The following VAV2 variants were observed in gnomAD, a reference collection of about 807,000 sequenced individuals.
VAV2 encodes vav guanine nucleotide exchange factor 2, also known as guanine nucleotide exchange factor VAV2.
A neutral mutation model predicts 132.5 loss-of-function variants in VAV2; 67 were observed. The observed-to-expected ratio is 0.51, with a 90% confidence interval of 0.42 to 0.62. The LOEUF (loss-of-function observed/expected upper bound fraction) is 0.62, where lower values mean the gene tolerates loss of function less well. Ranked by LOEUF, VAV2 falls within the 20% of genes least tolerant of loss-of-function variation. VAV2 has a pLI of 0.00. For missense variants in VAV2, 938 were observed against 1,153.6 expected (o/e 0.81, Z 2.71); for synonymous variants, 492 against 443.5 (o/e 1.11, Z -1.37).
chr9:133,770,744 C>A (rs527546150), intron 26 of VAV2, among the ~76,000 whole-genome samples: 1 of 152,314 alleles, frequency 6.6e-6, no homozygotes, highest in East Asian at 1.9e-4. Context: ...CCAGCACGGA[C>A]ACTGACTGCA....
chr9:133,819,128 C>T (rs1835684001), intron 4 of VAV2, among the ~76,000 whole-genome samples: 1 of 151,758 alleles, frequency 6.6e-6, no homozygotes, highest in East Asian at 1.9e-4. Context: ...CACCACTTCC[C>T]ATTAACCTCT....
Position 133,948,773 on chromosome 9 carries a change from G to A in VAV2, c.205-9554C>T, listed in dbSNP as rs550149878. Among the ~76,000 whole-genome samples, 231 of 152,368 alleles carry A rather than the reference G, an allele frequency of 1.5e-3. 2 individuals are homozygous for A. The highest frequency in any genetic ancestry group is 5.4e-3 in the African/African-American group (223 of 41,582). On this transcript the variant is annotated intron_variant, in intron 1 of 29. Transcript: ENST00000371850. ...GCTGAGTCCGTGCCTGGCGCAGCAC[G>A]AAGCCCTTGACGTTCCTCTCTGCTT...
intron 29 of VAV2, among the ~76,000 whole-genome samples, chr9:133,767,812 T>G (rs1386505102): frequency 6.6e-6 from 1 of 152,182 alleles, no homozygotes; most frequent in Admixed American, 6.5e-5. Flanking sequence ...TTCTAATTGG[T>G]GGCACAGGGA....
chr9:133,967,443 T>C (rs1180341516), intron 1 of VAV2, among the ~76,000 whole-genome samples: 1 of 152,216 alleles, frequency 6.6e-6, no homozygotes, highest in Non-Finnish European at 1.5e-5. Context: ...TTGAGATATA[T>C]CTGCACTCCC....
At chr9:133,787,351 G>C in intron 15 of VAV2, 91 bp from the exon 16 acceptor site, 1 of 1,376,712 alleles carries the variant, frequency 7.3e-7, no homozygotes, top group Non-Finnish European at 9.5e-7. Context: ...GGAGGCGCCA[G>C]GAGCCCTGGC....
chr9:133,823,072 G>C lies in VAV2; in HGVS notation c.450-10856C>G, dbSNP rs1835857096. Among the ~76,000 whole-genome samples the C allele has an allele frequency of 6.6e-6, 1 of 152,192 alleles. No individual in the cohort carries two copies. The highest frequency in any genetic ancestry group is 2.4e-5 in the African/African-American group (1 of 41,434). On this transcript the variant is annotated intron_variant, in intron 4 of 29. Transcript: ENST00000371850. This position sits in a 1 kb window ranked among gnomAD's most constrained non-coding sequence, Gnocchi z 5.5. ...AGCAGGGATTGTCGAACAGCGTATG[G>C]ACCTATGGCTCAGATCCTCCAGTAT...
intron 1 of VAV2, among the ~76,000 whole-genome samples, chr9:133,970,510 C>T (rs2519139): frequency 0.62 from 93,702 of 151,906 alleles, 29,946 homozygotes; most frequent in East Asian, 0.92. Context: ...GTGGCGATCA[C>T]GAGGCTGTCC....
At chr9:133,817,350 T>C (rs751173016) in intron 4 of VAV2, among the ~76,000 whole-genome samples, 1 of 152,218 alleles carries the variant, frequency 6.6e-6, no homozygotes, top group Admixed American at 6.5e-5. Context: ...TCCTCCCTGT[T>C]ATTTGAAGTG....
At chr9:133,911,183 A>G (rs1392254947) in intron 2 of VAV2, among the ~76,000 whole-genome samples, 1 of 152,226 alleles carries the variant, frequency 6.6e-6, no homozygotes, top group Non-Finnish European at 1.5e-5. Flanking sequence ...CATTTTTAAT[A>G]AAAACTAAAA....
intron 2 of VAV2, among the ~76,000 whole-genome samples, chr9:133,907,535 GCTGA>G (rs1486605674): frequency 6.6e-6 from 1 of 152,200 alleles, no homozygotes; most frequent in African/African-American, 2.4e-5. Flanking sequence ...TAGCTCCTCG[GCTGA>G]CTAACTTTAA....
chr9:133,839,458 T>G (rs1836629654), intron 3 of VAV2, among the ~76,000 whole-genome samples: 2 of 151,654 alleles, frequency 1.3e-5, no homozygotes, highest in African/African-American at 2.4e-5. Context: ...GAAGTTTTTT[T>G]TTTTTTTTTT....
chr9:133,776,539 CCACAGGCTGGG>C (rs1833819367), intron 23 of VAV2, among the ~76,000 whole-genome samples: 1 of 152,042 alleles, frequency 6.6e-6, no homozygotes. Flanking sequence ...CCTCACTGGG[CCACAGGCTGGG>C]CACAGCCTCA....
At chr9:133,846,108 G>A (rs1836924635) in intron 3 of VAV2, among the ~76,000 whole-genome samples, 1 of 152,230 alleles carries the variant, frequency 6.6e-6, no homozygotes, top group Non-Finnish European at 1.5e-5. Flanking sequence ...AGCCCCACAA[G>A]ATGGGGTTCC....
intron 29 of VAV2, among the ~76,000 whole-genome samples, chr9:133,765,959 A>T (rs1244429282): frequency 6.6e-6 from 1 of 152,252 alleles, no homozygotes; most frequent in East Asian, 1.9e-4. Context: ...ATTATGTTAC[A>T]AACATTTTAC....
chr9:133,983,709 G>T (rs1321708258), intron 1 of VAV2, among the ~76,000 whole-genome samples: 2 of 152,060 alleles, frequency 1.3e-5, no homozygotes, highest in Non-Finnish European at 2.9e-5. Context: ...ACTGACCCCA[G>T]GCCTGAGCCT....
In VAV2 at chr9:133,783,488, G is replaced by A. The variant is rs561185478; in HGVS notation, c.1723+15C>T. ...TGGCCAGGGACTGGGGTGGGGGGGTGAGGGGGGTACTCACTGAACTTGCAG... is the reference window on the plus strand; with the variant it reads ...TGGCCAGGGACTGGGGTGGGGGGGTAAGGGGGGTACTCACTGAACTTGCAG... On this transcript the variant is annotated intron_variant, in intron 19 of 29. Coordinates refer to ENST00000371850, the MANE Select transcript of VAV2 (RefSeq NM_001134398.2). The A allele has an allele frequency of 3.0e-4, 454 of 1,509,926 alleles. 5 individuals are homozygous for A. The East Asian group carries it at 0.011, about 37-fold the overall frequency. 93.5% of individuals were successfully genotyped at this position (1,509,926 alleles called of 1,614,324 possible).
chr9:133,785,685 TGA>T, intron 17 of VAV2, 89 bp downstream of exon 17: 1 of 1,298,034 alleles, frequency 7.7e-7, no homozygotes, highest in Non-Finnish European at 1.1e-6. Flanking sequence ...GCCCCTGGTC[TGA>T]GAGGAACCAC....
chr9:133,805,914 G>T (rs1249316006), intron 9 of VAV2, among the ~76,000 whole-genome samples, 167 bp downstream of exon 9: 2 of 152,174 alleles, frequency 1.3e-5, no homozygotes, highest in African/African-American at 4.8e-5. Flanking sequence ...CAACCAGGCT[G>T]CGGCTCGGGG....
At chr9:133,789,654 G>A (rs1257735887) in intron 13 of VAV2, among the ~76,000 whole-genome samples, 4 of 152,222 alleles carry the variant, frequency 2.6e-5, no homozygotes, top group African/African-American at 9.6e-5. Flanking sequence ...CCGCCGCTGT[G>A]TGGAGCCCCA....
Sources: gnomAD v4.1 joint callset for allele counts (sites outside exome capture counted in the v4.1 genomes callset) on GRCh38, gnomAD v4.1.1 for gene constraint, Gnocchi (gnomAD v3.1) non-coding constraint, MANE v1.5 for transcripts, NCBI Gene and HGNC (gene_info 2026-07-23, HGNC 2026-07-21) for gene names.